Variants in CACNA1H observed in about 807,000 individuals in gnomAD.
The protein encoded by CACNA1H is calcium voltage-gated channel subunit alpha1 H.
In CACNA1H, 149 loss-of-function variants were observed where a neutral mutation model predicts 192.5. That is an observed-to-expected ratio of 0.77 (90% confidence interval 0.68 to 0.89). The LOEUF (loss-of-function observed/expected upper bound fraction) is 0.89, where lower values mean the gene tolerates loss of function less well. Ranked by LOEUF, CACNA1H falls within the 40% of genes least tolerant of loss-of-function variation. The pLI is 0.00. For synonymous variants in CACNA1H, 2,202 were observed against 1,475.2 expected, an observed-to-expected ratio of 1.49 and a Z score of -11.29; for missense variants, 4,257 against 3,423.5, an observed-to-expected ratio of 1.24 and a Z score of -6.08.
rs143733790 is a variant in CACNA1H, at chr16:1,220,649, C to T, written c.6717C>T (p.Gly2239=). 2,803 of 1,603,900 alleles carry T rather than the reference C, an allele frequency of 1.7e-3. 9 individuals carry two copies. The highest frequency in any genetic ancestry group is 2.5e-3 in the African/African-American group (189 of 74,634). Residue 2239 remains glycine, a synonymous_variant, in exon 35 of 35, where the codon GGC becomes GGT. Transcript: ENST00000348261. ...CCCTGGAGCCCACAGAGGGCTCAGG[C>T]GCCGGGGGGGACCCTGCAGCCAAGG... The part of the protein sequence containing the change: ...RDSLEPTEGS[G]AGGDPAAKGE...
intron 12 of CACNA1H, 32 bp from the exon 13 acceptor site, chr16:1,206,969 C>T (rs1361604127): frequency 1.6e-6 from 2 of 1,224,622 alleles, no homozygotes; most frequent in Non-Finnish European, 2.3e-6. Context: ...CCCCTGCCTC[C>T]ACCCTCAACA....
At chr16:1,189,992 G>T (rs1472827333) in intron 2 of CACNA1H, among the ~76,000 whole-genome samples, 2 of 152,248 alleles carry the variant, frequency 1.3e-5, no homozygotes, top group Non-Finnish European at 2.9e-5. Flanking sequence ...TCAGAAAAGA[G>T]GAGAATCACT....
At chr16:1,214,108 CT>C (rs1238346581) in intron 27 of CACNA1H, among the ~76,000 whole-genome samples, 177 bp downstream of exon 27, 2 of 151,920 alleles carry the variant, frequency 1.3e-5, no homozygotes, top group Non-Finnish European at 2.9e-5. Flanking sequence ...TCCCCTCCCC[CT>C]GTCCTTGGGG....
chr16:1,217,266 A>T (rs959054055), intron 31 of CACNA1H, among the ~76,000 whole-genome samples: 3 of 152,242 alleles, frequency 2.0e-5, no homozygotes, highest in East Asian at 1.9e-4. Flanking sequence ...AGACACAGGG[A>T]TGCCTGCCAC....
At chr16:1,205,371 A>C in intron 11 of CACNA1H, 106 bp downstream of exon 11, 8 of 1,224,200 alleles carry the variant, frequency 6.5e-6, no homozygotes, top group Non-Finnish European at 8.0e-6. Context: ...AAGTACGACG[A>C]TAGCTCTTTA....
At chr16:1,159,224 G>A (rs1962858915) in intron 2 of CACNA1H, among the ~76,000 whole-genome samples, 7 of 152,226 alleles carry the variant, frequency 4.6e-5, no homozygotes, top group Admixed American at 3.9e-4. Context: ...GCTGGCCTGA[G>A]CCCTGTGACC....
chr16:1,203,544 T>C (rs1968261910), intron 9 of CACNA1H, among the ~76,000 whole-genome samples: 1 of 152,172 alleles, frequency 6.6e-6, no homozygotes, highest in African/African-American at 2.4e-5. Context: ...CTGATGTTTG[T>C]GGCTGCTGTA....
chr16:1,211,753 G>A lies in CACNA1H; in HGVS notation c.4514G>A (p.Gly1505Glu). The change falls in exon 24 of 35, where the codon GGA (glycine) becomes GAA (glutamate). Residue 1505 changes from glycine (G) to glutamate (E), a missense_variant. By Grantham distance (98) the Gly-to-Glu change is moderately conservative. Coordinates refer to ENST00000348261, the MANE Select transcript of CACNA1H (RefSeq NM_021098.3). ...CTGTTCGTGCTGTCATCCAAGGATG[G>A]ATGGGTGAACATCATGTACGACGGG... ...MSLFVLSSKDGWVNIMYDGLD... is the reference protein window; with the variant it reads ...MSLFVLSSKDEWVNIMYDGLD... 1.2e-6 allele frequency: 2 copies of A among 1,612,736 alleles called. No homozygotes were observed. Among genetic ancestry groups the A allele is most frequent in the South Asian group, 1.1e-5 (1 of 91,090 alleles).
In CACNA1H at chr16:1,200,381, A is replaced by G; in HGVS notation, c.929A>G (p.Glu310Gly). ...TGCTCGCACATCCCCGGCCGCCGCGAGCTGCGCATGCCCTGCACCCTGGGC... is the reference window on the plus strand; with the variant it reads ...TGCTCGCACATCCCCGGCCGCCGCGGGCTGCGCATGCCCTGCACCCTGGGC... ...QKCSHIPGRR[E>G]LRMPCTLGWE... The change falls in exon 7 of 35, where the codon GAG becomes GGG. Residue 310 changes from glutamate to glycine, a missense_variant. Glu to Gly is a moderately conservative substitution (Grantham distance 98). Coordinates refer to ENST00000348261, the MANE Select transcript of CACNA1H (RefSeq NM_021098.3). 1 of 1,603,700 alleles carries G rather than the reference A, an allele frequency of 6.2e-7. No individual in the cohort carries two copies. The highest frequency in any genetic ancestry group is 8.5e-7 in the Non-Finnish European group (1 of 1,175,904).
rs377176081 is a variant in CACNA1H, at chr16:1,204,232, C to T, written c.2225C>T (p.Pro742Leu). Residue 742 changes from proline (P) to leucine (L), a missense_variant, in exon 10 of 35, where the codon CCC becomes CTC. Pro to Leu is a moderately conservative substitution (Grantham distance 98, BLOSUM62 -3). Coordinates refer to ENST00000348261, the MANE Select transcript of CACNA1H (RefSeq NM_021098.3). ...GTCCGGCACGGTGACCGCTGGGACC[C>T]CACGCGACCACCCCGTGCGACGGAC... ...QDVRHGDRWD[P>L]TRPPRATDTP... The T allele has an allele frequency of 6.2e-7, 1 of 1,611,130 alleles. No individual in the cohort carries two copies. The highest frequency in any genetic ancestry group is 8.5e-7 in the Non-Finnish European group (1 of 1,179,204).
chr16:1,189,183 C>G (rs72775434), intron 2 of CACNA1H, among the ~76,000 whole-genome samples: 19 of 151,598 alleles, frequency 1.3e-4, no homozygotes, highest in Non-Finnish European at 2.4e-4. Flanking sequence ...GTTCTCCTCC[C>G]GGAGACTGAG....
chr16:1,198,922 C>T lies in CACNA1H; in HGVS notation c.803+148C>T, dbSNP rs1035897643. ...ACTGCTGTCCCCGTCATGGCTCCGT[C>T]CACCATGCTGTCTCCCGCCCCCACC... On this transcript the variant is annotated intron_variant, in intron 6 of 34. Coordinates refer to ENST00000348261, the MANE Select transcript of CACNA1H (RefSeq NM_021098.3). The T allele has an allele frequency of 3.8e-4, 279 of 736,040 alleles. 1 individual carries two copies. Among genetic ancestry groups the T allele is most frequent in the Non-Finnish European group, 5.9e-4 (265 of 451,230 alleles). The allele number at this position is 736,040 out of a possible 1,614,324, so 45.6% of individuals were successfully genotyped here.
intron 9 of CACNA1H, 36 bp downstream of exon 9, chr16:1,202,488 G>A: frequency 6.9e-7 from 1 of 1,454,314 alleles, no homozygotes. Context: ...AGGAGGCGGT[G>A]GGACCTAGGC....
intron 5 of CACNA1H, among the ~76,000 whole-genome samples, chr16:1,198,076 C>G (rs1967208077): frequency 6.6e-6 from 1 of 152,280 alleles, no homozygotes; most frequent in Middle Eastern, 3.4e-3. Flanking sequence ...ACAAAGTTTT[C>G]AGGATCCCAG....
In CACNA1H at chr16:1,210,350, A is replaced by AAAACC; in HGVS notation, c.3846-20_3846-19insAAACC. On this transcript the variant is annotated intron_variant, in intron 18 of 34. Transcript: ENST00000348261. Reference sequence around the variant, plus strand: ...TCCACGCCGCCCCGCCCCACCTCTCACCCGCCCCCGCCCACCCAGGTTCCG... The same window carrying AAAACC: ...TCCACGCCGCCCCGCCCCACCTCTCAAAACCCCCGCCCCCGCCCACCCAGGTTCCG... 1.3e-5 allele frequency: 4 copies of AAAACC among 313,944 alleles called. No individual in the cohort carries two copies. The highest frequency in any genetic ancestry group is 1.4e-5 in the Non-Finnish European group (3 of 215,954). The allele number at this position is 313,944 out of a possible 1,614,324, so 19.4% of individuals were successfully genotyped here. A position where few individuals can be genotyped will look rare whatever the true frequency, so the allele number is the denominator to read the frequency against.
chr16:1,201,709 C>T lies in CACNA1H; in HGVS notation c.1259C>T (p.Thr420Met), dbSNP rs1214636010. The T allele has an allele frequency of 8.7e-6, 14 of 1,609,390 alleles. No individual in the cohort carries two copies. The highest frequency in any genetic ancestry group is 2.7e-5 in the African/African-American group (2 of 74,884). Residue 420 changes from threonine to methionine, a missense_variant, in exon 9 of 35, where the codon ACG becomes ATG. Physicochemically the swap from Thr to Met is moderately conservative, Grantham distance 81. Coordinates refer to ENST00000348261, the MANE Select transcript of CACNA1H (RefSeq NM_021098.3). ...AACCTGTGCCTGGTGGTGATTGCCACGCAGTTCTCGGAGACGAAGCAGCGG... is the reference window on the plus strand; with the variant it reads ...AACCTGTGCCTGGTGGTGATTGCCATGCAGTTCTCGGAGACGAAGCAGCGG... ...MINLCLVVIA[T>M]QFSETKQRES...
In CACNA1H at chr16:1,220,968, G is replaced by A. The variant is rs780301157; in HGVS notation, c.7036G>A (p.Gly2346Arg). The part of the protein sequence containing the change: ...PGSPSATPAP[G>R]GGADDPV ...GTCCCCCTCAGCCACCCCTGCCCCA[G>A]GGGGTGGTGCAGATGACCCCGTGTA... The change falls in exon 35 of 35, where the codon GGG becomes AGG. Residue 2346 changes from glycine to arginine, a missense_variant. Physicochemically the swap from Gly to Arg is moderately radical, Grantham distance 125. Coordinates refer to ENST00000348261, the MANE Select transcript of CACNA1H (RefSeq NM_021098.3). 5 of 1,602,268 alleles carry A rather than the reference G, an allele frequency of 3.1e-6. No homozygotes were observed. Among genetic ancestry groups the A allele is most frequent in the African/African-American group, 2.7e-5 (2 of 74,286 alleles).
At chr16:1,200,115 C>T (rs967579683) in intron 6 of CACNA1H, 141 bp from the exon 7 acceptor site, 12 of 688,482 alleles carry the variant, frequency 1.7e-5, no homozygotes, top group African/African-American at 1.3e-4. Flanking sequence ...AACCGTGCCT[C>T]CCTAACCATG....
chr16:1,166,086 C>T (rs945564911), intron 2 of CACNA1H, among the ~76,000 whole-genome samples: 5 of 152,194 alleles, frequency 3.3e-5, no homozygotes, highest in Non-Finnish European at 5.9e-5. Flanking sequence ...GAGCTGACGC[C>T]GAGATTTCTT....
Sources: allele counts gnomAD v4.1 joint callset (sites outside exome capture counted in the v4.1 genomes callset), GRCh38; gene constraint gnomAD v4.1.1; transcripts MANE v1.5; gene names NCBI Gene and HGNC (gene_info 2026-07-23, HGNC 2026-07-21).